GAN: variants seen among roughly 807,000 people sequenced by gnomAD.
GAN encodes the protein epididymis secretory sperm binding protein.
GAN carries 48 observed loss-of-function variants against 71.3 expected under a neutral mutation model. The ratio of observed to expected loss-of-function variants is 0.67; its 90% CI spans 0.53 to 0.86. The LOEUF is 0.86. Ranked by LOEUF, GAN falls within the 40% of genes least tolerant of loss-of-function variation. GAN has a pLI of 0.00. For missense variants in GAN, 928 were observed against 770.1 expected, an observed-to-expected ratio of 1.21 and a Z score of -2.43; for synonymous variants, 386 against 276.8, an observed-to-expected ratio of 1.39 and a Z score of -3.92.
intron 1 of GAN, among the ~76,000 whole-genome samples, chr16:81,342,589 C>T (rs1444900084): frequency 6.6e-6 from 1 of 152,146 alleles, no homozygotes; most frequent in Non-Finnish European, 1.5e-5. Context: ...CCAATGAGAA[C>T]AAAGACACAA....
Position 81,345,992 on chromosome 16 carries a change from C to T in GAN, c.168-5591C>T, listed in dbSNP as rs1910106455. ...CTATGAGAATCTAATGCCACATGCG[C>T]AAGCAAGTACAGCTAGCTCTTGGTT... On this transcript the variant is annotated intron_variant, in intron 1 of 10. Transcript: ENST00000648994. Among the ~76,000 whole-genome samples, 3 of 152,166 alleles carry T rather than the reference C, an allele frequency of 2.0e-5. No individual in the cohort carries two copies. The South Asian group carries it at 6.2e-4, about 32-fold the overall frequency.
At position 81,354,652 on chromosome 16, in the gene GAN, A is replaced by G. The variant is rs762169549; in HGVS notation, c.530A>G (p.Lys177Arg). 5.6e-6 allele frequency: 9 copies of G among 1,613,700 alleles called. No individual in the cohort carries two copies. The East Asian group carries it at 1.8e-4, about 32-fold the overall frequency. Residue 177 changes from lysine to arginine, a missense_variant, in exon 3 of 11, where the codon AAG becomes AGG. Lys to Arg is a conservative substitution (Grantham distance 26). Transcript: ENST00000648994. ...TEEFLELSPQ[K>R]LKEVISLEKL... is the part of the protein sequence containing the mutation. ...GAATTCTTAGAGCTGAGTCCTCAAAAGCTTAAAGAAGTGATTTCTCTTGAG... is the reference window on the plus strand; with the variant it reads ...GAATTCTTAGAGCTGAGTCCTCAAAGGCTTAAAGAAGTGATTTCTCTTGAG...
chr16:81,334,502 C>T (rs1292999447), intron 1 of GAN, among the ~76,000 whole-genome samples: 4 of 152,160 alleles, frequency 2.6e-5, no homozygotes, highest in African/African-American at 7.2e-5. Context: ...AGCAGAGAAG[C>T]GGGCTGAGAT....
rs928734507 is a variant in GAN at position 81,342,019 on chromosome 16, A to G, written c.168-9564A>G. Among the ~76,000 whole-genome samples the G allele has an allele frequency of 5.9e-5, 9 of 152,340 alleles. No homozygotes were observed. The East Asian group carries it at 1.7e-3, about 29-fold the overall frequency. On this transcript the variant is annotated intron_variant, in intron 1 of 10. Coordinates refer to ENST00000648994, the MANE Select transcript of GAN (RefSeq NM_022041.4). ...TAAAACAGACTTTAAACCAACAAAG[A>G]TCAGAAGAGACAAAGAAGGCCATTA...
In GAN at chr16:81,381,687, T is replaced by A. The variant is rs1381988531; in HGVS notation, c.*4091T>A. On this transcript the variant is annotated 3_prime_UTR_variant, in exon 11 of 11. Transcript: ENST00000648994. ...CACTATGGAACGGGCAAGGGCCCCG[T>A]CTTTGTCATCTGCCAGTCTCAGTGC... 3 of 152,256 alleles carry A rather than the reference T, an allele frequency of 2.0e-5. No homozygotes were observed. Among genetic ancestry groups the A allele is most frequent in the African/African-American group, 7.2e-5 (3 of 41,464 alleles). The allele number at this position is 152,256 out of a possible 1,614,324, so 9.4% of individuals were successfully genotyped here.
chr16:81,343,075 C>G (rs1367963504), intron 1 of GAN, among the ~76,000 whole-genome samples: 1 of 152,004 alleles, frequency 6.6e-6, no homozygotes, highest in African/African-American at 2.4e-5. Context: ...AAAACTAAAC[C>G]AGGAAGAAGT....
rs141711316 is a variant in GAN, at chr16:81,338,442, A to T, written c.168-13141A>T. ...TTAGCTTAGCTCTTTTTAAATGATT[A>T]TTCATTACTCATTCAGTACAGTCCA... On this transcript the variant is annotated intron_variant, in intron 1 of 10. Transcript: ENST00000648994. Among the ~76,000 whole-genome samples, 441 of 152,330 alleles carry T rather than the reference A, an allele frequency of 2.9e-3. 3 individuals carry two copies. The highest frequency in any genetic ancestry group is 4.4e-3 in the South Asian group (21 of 4,826).
chr16:81,317,553 G>A (rs1040120920), intron 1 of GAN, among the ~76,000 whole-genome samples: 1 of 152,222 alleles, frequency 6.6e-6, no homozygotes, highest in Non-Finnish European at 1.5e-5. Flanking sequence ...ATTGAATTAG[G>A]AAATATCTGT....
At chr16:81,359,982 C>T (rs1408302344) in intron 5 of GAN, among the ~76,000 whole-genome samples, 1 of 151,896 alleles carries the variant, frequency 6.6e-6, no homozygotes, top group African/African-American at 2.4e-5. Flanking sequence ...GGGGTAGCTA[C>T]TATATACACA....
chr16:81,369,504 G>T (rs1210869308), intron 9 of GAN, among the ~76,000 whole-genome samples: 1 of 152,228 alleles, frequency 6.6e-6, no homozygotes, highest in Non-Finnish European at 1.5e-5. Context: ...AAATGTTTGT[G>T]TAGCTTGTTT....
At chr16:81,357,109 GAT>G in intron 4 of GAN, 107 bp downstream of exon 4, 1 of 816,642 alleles carries the variant, frequency 1.2e-6, no homozygotes. Context: ...AATTACATTT[GAT>G]TTTTTTTTTT....
At chr16:81,375,240 A>G (rs1349724472) in intron 9 of GAN, among the ~76,000 whole-genome samples, 1 of 152,008 alleles carries the variant, frequency 6.6e-6, no homozygotes, top group Non-Finnish European at 1.5e-5. Flanking sequence ...CACAGGATAT[A>G]AAGAATCTGA....
intron 9 of GAN, among the ~76,000 whole-genome samples, chr16:81,371,597 A>T (rs924481409): frequency 4.6e-5 from 7 of 152,172 alleles, no homozygotes; most frequent in African/African-American, 1.7e-4. Context: ...TGAAGACTTG[A>T]GATGAGTGGA....
chr16:81,361,599 T>A (rs1910674601), intron 5 of GAN, among the ~76,000 whole-genome samples: 1 of 152,236 alleles, frequency 6.6e-6, no homozygotes, highest in Admixed American at 6.5e-5. Context: ...GCCCTCAGTG[T>A]AAAATGGTTT....
In GAN at chr16:81,377,499, G is replaced by A. The variant is rs1444976281; in HGVS notation, c.1697G>A (p.Arg566His). The A allele has an allele frequency of 5.0e-6, 8 of 1,613,956 alleles. No individual in the cohort carries two copies. The highest frequency in any genetic ancestry group is 3.3e-5 in the South Asian group (3 of 91,084). ...AAACCACTCCTTCCATCCGACCTTCGCCGTACAGGATGTGCAGCCTTACGC... is the reference window on the plus strand; with the variant it reads ...AAACCACTCCTTCCATCCGACCTTCACCGTACAGGATGTGCAGCCTTACGC... Reference protein sequence around the residue: ...HTKPLLPSDLRRTGCAALRIA... With the variant: ...HTKPLLPSDLHRTGCAALRIA... Residue 566 changes from arginine (R) to histidine (H), a missense_variant, in exon 11 of 11, where the codon CGC (arginine) becomes CAC (histidine). Physicochemically the swap from Arg to His is conservative, Grantham distance 29. Transcript: ENST00000648994.
chr16:81,361,944 CTTCCAAAAG>C (rs1910687043), intron 5 of GAN, among the ~76,000 whole-genome samples: 1 of 152,220 alleles, frequency 6.6e-6, no homozygotes, highest in Admixed American at 6.5e-5. Flanking sequence ...TGTAGCTTGG[CTTCCAAAAG>C]TGCTGAGCCA....
chr16:81,352,418 G>A (rs1470509060), intron 2 of GAN, among the ~76,000 whole-genome samples: 7 of 152,144 alleles, frequency 4.6e-5, no homozygotes, highest in South Asian at 2.1e-4. Context: ...AAAATCTTCC[G>A]TGTGAATCAG....
intron 1 of GAN, among the ~76,000 whole-genome samples, chr16:81,340,936 A>G (rs12919527): frequency 3.3e-5 from 5 of 152,018 alleles, no homozygotes; most frequent in Non-Finnish European, 5.9e-5. Context: ...ACCAGTGTAG[A>G]GAAGACCTTA....
intron 1 of GAN, among the ~76,000 whole-genome samples, chr16:81,340,171 T>C (rs1390468595): frequency 1.3e-5 from 2 of 152,150 alleles, no homozygotes; most frequent in Non-Finnish European, 1.5e-5. Flanking sequence ...ACTCCTGGGC[T>C]CAAGCAGTCC....
Sources: gnomAD v4.1 joint callset for allele counts (sites outside exome capture counted in the v4.1 genomes callset) on GRCh38, gnomAD v4.1.1 for gene constraint, MANE v1.5 for transcripts, NCBI Gene and HGNC (gene_info 2026-07-23, HGNC 2026-07-21) for gene names.